Variants in ARHGEF7 observed in about 807,000 individuals in gnomAD.
ARHGEF7 encodes PAK-interacting exchange factor beta.
Under a neutral mutation model 109.8 loss-of-function variants are expected in ARHGEF7, and 33 were observed. That is an observed-to-expected ratio of 0.30 (90% CI 0.23 to 0.40). The LOEUF (loss-of-function observed/expected upper bound fraction) is 0.40, where lower values mean the gene tolerates loss of function less well. Ranked by LOEUF, ARHGEF7 falls within the 10% of genes least tolerant of loss-of-function variation. ARHGEF7 has a pLI of 1.00. For synonymous variants in ARHGEF7, 458 were observed against 424.6 expected, an observed-to-expected ratio of 1.08 and a Z score of -0.97; for missense variants, 938 against 1,098.5, an observed-to-expected ratio of 0.85 and a Z score of 2.07.
At position 111,186,823 on chromosome 13, in the gene ARHGEF7, C is replaced by G. The variant is rs527716480; in HGVS notation, c.253-18466C>G. 9.4e-5 allele frequency: 93 copies of G among 985,432 alleles called. No homozygotes were observed. In the Admixed American group the frequency reaches 4.3e-3, roughly 46 times the overall value. The allele number at this position is 985,432 out of a possible 1,614,324, so 61.0% of individuals were successfully genotyped here. A position where few individuals can be genotyped will look rare whatever the true frequency, so the allele number is the denominator to read the frequency against. ...AGCCCAGAAAGTGTGCGCTCAGTCCCACATTGCAGAGGCCTCTCCGTCAGT... is the reference window on the plus strand; with the variant it reads ...AGCCCAGAAAGTGTGCGCTCAGTCCGACATTGCAGAGGCCTCTCCGTCAGT... On this transcript the variant is annotated intron_variant, in intron 2 of 21. Transcript: ENST00000646102.
At chr13:111,289,366 C>T (rs1389744660) in intron 18 of ARHGEF7, among the ~76,000 whole-genome samples, 1 of 152,142 alleles carries the variant, frequency 6.6e-6, no homozygotes, top group Non-Finnish European at 1.5e-5. Flanking sequence ...AATTTTTCCT[C>T]CGGTGTTGCC....
intron 8 of ARHGEF7, among the ~76,000 whole-genome samples, chr13:111,249,844 G>A (rs1376126504): frequency 6.6e-6 from 1 of 152,138 alleles, no homozygotes. Context: ...CATGACACAG[G>A]GTTGTGGAAT....
At chr13:111,181,748 G>C (rs7987430) in intron 2 of ARHGEF7, among the ~76,000 whole-genome samples, 69,153 of 151,966 alleles carry the variant, frequency 0.46, 16,410 homozygotes, top group South Asian at 0.55. Context: ...AGCTGTAAAT[G>C]CTTCAAGAGA....
At chr13:111,206,702 C>T (rs1403177048) in intron 3 of ARHGEF7, among the ~76,000 whole-genome samples, 2 of 152,094 alleles carry the variant, frequency 1.3e-5, no homozygotes, top group African/African-American at 4.8e-5. Flanking sequence ...TGGCTCATGC[C>T]TGTAATCCCA....
chr13:111,267,078 T>C (rs192610286), intron 8 of ARHGEF7, among the ~76,000 whole-genome samples: 285 of 152,240 alleles, frequency 1.9e-3, no homozygotes, highest in African/African-American at 6.4e-3. Flanking sequence ...CAGGATGCTG[T>C]GGATCTGGGG....
chr13:111,149,532 C>T (rs1261429057), intron 1 of ARHGEF7, among the ~76,000 whole-genome samples: 3 of 152,196 alleles, frequency 2.0e-5, no homozygotes, highest in Non-Finnish European at 4.4e-5. Context: ...AGAAATATAG[C>T]GTTAGGATCC....
intron 18 of ARHGEF7, among the ~76,000 whole-genome samples, chr13:111,290,655 T>A (rs2093242518): frequency 6.6e-6 from 1 of 152,250 alleles, no homozygotes; most frequent in Admixed American, 6.5e-5. Flanking sequence ...GGCCCACAAT[T>A]CCTTTTCTTT....
At chr13:111,143,849 A>G (rs2075463553) in intron 1 of ARHGEF7, 1 of 152,258 alleles carries the variant, frequency 6.6e-6, no homozygotes, top group Non-Finnish European at 1.5e-5. Context: ...CTCTCATTCA[A>G]CAATTAAGAT....
In ARHGEF7 at chr13:111,217,770, G is replaced by A. The variant is rs1412483090; in HGVS notation, c.560G>A (p.Gly187Glu). Residue 187 changes from glycine (G) to glutamate (E), a missense_variant, in exon 5 of 22, where the codon GGA becomes GAA. By Grantham distance (98) the Gly-to-Glu change is moderately conservative (BLOSUM62 -2). This residue lies in a region of ARHGEF7 where 585 missense variants were observed against 723.6 expected (regional missense o/e 0.81). Coordinates refer to ENST00000646102, the MANE Select transcript of ARHGEF7 (RefSeq NM_001354046.2). ...GAGGACGAGCTTTCCTTCTCAAAAGGAGACGTCATCCATGTCACCCGTGTG... is the reference window on the plus strand; with the variant it reads ...GAGGACGAGCTTTCCTTCTCAAAAGAAGACGTCATCCATGTCACCCGTGTG... ...TNEDELSFSK[G>E]DVIHVTRVEE... The A allele has an allele frequency of 1.9e-6, 3 of 1,614,180 alleles. No homozygotes were observed. In the South Asian group the frequency reaches 3.3e-5, roughly 18 times the overall value.
chr13:111,185,924 G>A (rs1415057864), intron 2 of ARHGEF7, among the ~76,000 whole-genome samples: 1 of 151,298 alleles, frequency 6.6e-6, no homozygotes, highest in East Asian at 1.9e-4. Context: ...TCTTGGTTCT[G>A]CCTTTGTAAG....
rs1326201417 is a variant in ARHGEF7 at position 111,228,073 on chromosome 13, A to G, written c.671-5132A>G. On this transcript the variant is annotated intron_variant, in intron 5 of 21. Coordinates refer to ENST00000646102, the MANE Select transcript of ARHGEF7 (RefSeq NM_001354046.2). The surrounding 1 kb of genome is among the most constrained non-coding windows in gnomAD (Gnocchi z 4.6). ...TGTCTTCCCAGAAGTTATGAAGCACATCTGAGGTGTCCTGCACGGCACATG... is the reference window on the plus strand; with the variant it reads ...TGTCTTCCCAGAAGTTATGAAGCACGTCTGAGGTGTCCTGCACGGCACATG... Among the ~76,000 whole-genome samples, 1 of 152,226 alleles carries G rather than the reference A, an allele frequency of 6.6e-6. No homozygotes were observed.
chr13:111,192,433 A>C (rs1238923444), intron 2 of ARHGEF7, among the ~76,000 whole-genome samples: 1 of 152,222 alleles, frequency 6.6e-6, no homozygotes, highest in Non-Finnish European at 1.5e-5. Flanking sequence ...TATTTTGCCA[A>C]AGAAGTTATA....
chr13:111,138,653 C>T (rs1376815489), intron 1 of ARHGEF7, among the ~76,000 whole-genome samples: 1 of 152,110 alleles, frequency 6.6e-6, no homozygotes, highest in Non-Finnish European at 1.5e-5. Context: ...CAGCCTGCAC[C>T]GCTCGCACCG....
At chr13:111,201,036 C>T (rs1295323265) in intron 2 of ARHGEF7, among the ~76,000 whole-genome samples, 1 of 152,108 alleles carries the variant, frequency 6.6e-6, no homozygotes, top group Non-Finnish European at 1.5e-5. Flanking sequence ...ATTAAAAAAC[C>T]ATGCCCTTGG....
intron 1 of ARHGEF7, among the ~76,000 whole-genome samples, chr13:111,147,076 T>C (rs1316685534): frequency 3.3e-5 from 5 of 152,192 alleles, no homozygotes; most frequent in African/African-American, 1.2e-4. Context: ...TTTCTGAATA[T>C]TTCTGGAGAC....
chr13:111,191,190 C>T (rs146938699), intron 2 of ARHGEF7, among the ~76,000 whole-genome samples: 418 of 152,168 alleles, frequency 2.7e-3, no homozygotes, highest in African/African-American at 8.7e-3. Context: ...ACAAGCCGTC[C>T]GCATGGAGCT....
chr13:111,250,446 A>G (rs2089597105), intron 8 of ARHGEF7, among the ~76,000 whole-genome samples: 2 of 152,244 alleles, frequency 1.3e-5, no homozygotes, highest in African/African-American at 4.8e-5. Context: ...ATAGTTAGAA[A>G]GCTACAATTG....
At position 111,228,968 on chromosome 13, in the gene ARHGEF7, C is replaced by T. The variant is rs1048279778; in HGVS notation, c.671-4237C>T. On this transcript the variant is annotated intron_variant, in intron 5 of 21. Transcript: ENST00000646102. This position sits in a 1 kb window ranked among gnomAD's most constrained non-coding sequence, Gnocchi z 4.6. Reference sequence around the variant, plus strand: ...GGGAAGCGGCTGGGTGGCTTCCAGTCAAGCGGAAGAGGCAAGTGAGGACTC... The same window carrying T: ...GGGAAGCGGCTGGGTGGCTTCCAGTTAAGCGGAAGAGGCAAGTGAGGACTC... Among the ~76,000 whole-genome samples, 3 of 151,950 alleles carry T rather than the reference C, an allele frequency of 2.0e-5. No homozygotes were observed. Among genetic ancestry groups the T allele is most frequent in the Non-Finnish European group, 4.4e-5 (3 of 68,004 alleles).
At chr13:111,171,895 C>A (rs1386013830) in intron 2 of ARHGEF7, among the ~76,000 whole-genome samples, 4 of 152,176 alleles carry the variant, frequency 2.6e-5, no homozygotes, top group African/African-American at 7.2e-5. Context: ...GCCCCCGTGC[C>A]ATGTGAGTTT....
Sources: gnomAD v4.1 joint callset for allele counts (sites outside exome capture counted in the v4.1 genomes callset) on GRCh38, gnomAD v4.1.1 for gene constraint, gnomAD v4.1.1 regional missense constraint, Gnocchi (gnomAD v3.1) non-coding constraint, MANE v1.5 for transcripts, NCBI Gene and HGNC (gene_info 2026-07-23, HGNC 2026-07-21) for gene names.